The following TGFBR3 variants were observed in gnomAD, a reference collection of about 807,000 sequenced individuals.
TGFBR3 encodes transforming growth factor beta receptor 3.
A neutral mutation model predicts 87.9 loss-of-function variants in TGFBR3; 46 were observed. That is an observed-to-expected ratio of 0.52 (90% CI 0.41 to 0.67). The LOEUF (loss-of-function observed/expected upper bound fraction) is 0.67, where lower values mean the gene tolerates loss of function less well. Among genes scored for constraint, TGFBR3 ranks in the 30% least tolerant of loss-of-function variants. TGFBR3 has a pLI of 0.00. For missense variants in TGFBR3, 866 were observed against 1,041.9 expected, an observed-to-expected ratio of 0.83 and a Z score of 2.32; for synonymous variants, 381 against 391.6, an observed-to-expected ratio of 0.97 and a Z score of 0.32.
intron 2 of TGFBR3, among the ~76,000 whole-genome samples, chr1:91,855,296 G>T (rs2634028): frequency 0.13 from 19,054 of 152,188 alleles, 1,535 homozygotes; most frequent in East Asian, 0.4. Flanking sequence ...ATTCCACCAA[G>T]AGCCCACTGG....
chr1:91,725,070 T>C (rs1672502850), intron 7 of TGFBR3, among the ~76,000 whole-genome samples: 1 of 152,180 alleles, frequency 6.6e-6, no homozygotes, highest in African/African-American at 2.4e-5. Flanking sequence ...CTTCCTACCA[T>C]AAAAGTGATT....
intron 2 of TGFBR3, among the ~76,000 whole-genome samples, chr1:91,843,376 G>A (rs1677361709): frequency 6.6e-6 from 1 of 152,156 alleles, no homozygotes; most frequent in Non-Finnish European, 1.5e-5. Flanking sequence ...TCATCAGTCT[G>A]CAATTTGGAA....
intron 3 of TGFBR3, among the ~76,000 whole-genome samples, chr1:91,787,940 G>A (rs528896443): frequency 1.1e-3 from 143 of 129,486 alleles, no homozygotes; most frequent in Non-Finnish European, 1.7e-3. Context: ...CCTGTCTCAC[G>A]GGGAAAAAAA....
upstream of TGFBR3, among the ~76,000 whole-genome samples, chr1:91,889,072 G>A (rs181512923): frequency 2.6e-5 from 4 of 152,076 alleles, no homozygotes; most frequent in African/African-American, 4.8e-5. Flanking sequence ...TAGTAGAGAC[G>A]GGGTTTCATA....
chr1:91,847,377 G>A (rs1300361519), intron 2 of TGFBR3, among the ~76,000 whole-genome samples: 1 of 152,090 alleles, frequency 6.6e-6, no homozygotes, highest in African/African-American at 2.4e-5. Flanking sequence ...GATGAGGCAG[G>A]CAGATCACCT....
chr1:91,750,120 C>A (rs543517651), intron 4 of TGFBR3, among the ~76,000 whole-genome samples: 2 of 152,318 alleles, frequency 1.3e-5, no homozygotes, highest in East Asian at 3.9e-4. Context: ...CATGCCTGCA[C>A]ACAGACATGA....
rs1674837039 is a variant in TGFBR3 at position 91,783,163 on chromosome 1, C to T, written c.246+14124G>A. On this transcript the variant is annotated intron_variant, in intron 3 of 16. Coordinates refer to ENST00000212355, the MANE Select transcript of TGFBR3 (RefSeq NM_003243.5). The stretch of plus-strand genomic sequence containing the variant: ...TTCACAGTGAGAATCAGTAACACCT[C>T]ATCTCATTAGCTCTCTTATCTTCAA... The T allele has an allele frequency of 3.3e-5, 5 of 152,294 alleles. No individual in the cohort carries two copies. The South Asian group carries it at 8.3e-4, about 25-fold the overall frequency. The allele number at this position is 152,294 out of a possible 1,614,324, so 9.4% of individuals were successfully genotyped here.
intron 7 of TGFBR3, among the ~76,000 whole-genome samples, chr1:91,722,870 T>C (rs1458263205): frequency 6.6e-6 from 1 of 152,182 alleles, no homozygotes. Context: ...ACAGTAAAAA[T>C]ATGGTATTAC....
At chr1:91,767,797 A>G (rs1167443412) in intron 3 of TGFBR3, among the ~76,000 whole-genome samples, 1 of 152,064 alleles carries the variant, frequency 6.6e-6, no homozygotes, top group Non-Finnish European at 1.5e-5. Context: ...TGGAAACTAT[A>G]TACAAACTCA....
chr1:91,792,807 C>G (rs1294019031), intron 3 of TGFBR3, among the ~76,000 whole-genome samples: 2 of 152,210 alleles, frequency 1.3e-5, no homozygotes, highest in Non-Finnish European at 2.9e-5. Context: ...AACCATGACA[C>G]TGGTCCTCAC....
chr1:91,825,833 T>G (rs1249345849), intron 2 of TGFBR3, among the ~76,000 whole-genome samples: 1 of 152,000 alleles, frequency 6.6e-6, no homozygotes, highest in Non-Finnish European at 1.5e-5. Flanking sequence ...ATACAAAAAT[T>G]AGCCAGGCGT....
chr1:91,904,169 G>A (rs1194910257), intron 1 of TGFBR3, among the ~76,000 whole-genome samples: 3 of 152,142 alleles, frequency 2.0e-5, no homozygotes, highest in Middle Eastern at 3.4e-3. Flanking sequence ...GGGCAACAGA[G>A]CAACACTGTC....
intron 5 of TGFBR3, among the ~76,000 whole-genome samples, chr1:91,731,965 A>G (rs956446763): frequency 9.9e-5 from 15 of 152,150 alleles, no homozygotes; most frequent in Admixed American, 6.5e-4. Flanking sequence ...CCGCTCCCCA[A>G]TGACTTTCCG....
chr1:91,785,330 C>T (rs1674917313), intron 3 of TGFBR3, among the ~76,000 whole-genome samples: 2 of 152,184 alleles, frequency 1.3e-5, no homozygotes, highest in Non-Finnish European at 2.9e-5. Flanking sequence ...TCGTGGGGGG[C>T]ACACACAGGG....
At chr1:91,883,214 C>G (rs1025217395) in intron 1 of TGFBR3, among the ~76,000 whole-genome samples, 6 of 152,250 alleles carry the variant, frequency 3.9e-5, no homozygotes, top group South Asian at 2.1e-4. Flanking sequence ...CTATGTTACC[C>G]AGGCTGGTCT....
At chr1:91,787,657 A>G (rs754428908) in intron 3 of TGFBR3, among the ~76,000 whole-genome samples, 12 of 152,176 alleles carry the variant, frequency 7.9e-5, no homozygotes, top group Non-Finnish European at 1.2e-4. Flanking sequence ...AGGAAAACAG[A>G]AAGCCAAGGG....
rs1358990195 is a variant in TGFBR3 at position 91,684,863 on chromosome 1, T to G, written c.2438-1006A>C. Among the ~76,000 whole-genome samples the G allele has an allele frequency of 3.3e-5, 5 of 152,266 alleles. No individual in the cohort carries two copies. In the South Asian group the frequency reaches 1.0e-3, roughly 32 times the overall value. ...CTTCTTGTAAGCAGCATCCCCTCCT[T>G]CAATGTGGGAAACCCCAGAGGGCCA... On this transcript the variant is annotated intron_variant, in intron 16 of 16. Transcript: ENST00000212355.
Position 91,734,924 on chromosome 1 carries a change from T to C in TGFBR3, c.420A>G (p.Ala140=), listed in dbSNP as rs150238777. 14 of 1,614,080 alleles carry C rather than the reference T, an allele frequency of 8.7e-6. No homozygotes were observed. In the African/African-American group the frequency reaches 1.7e-4, roughly 20 times the overall value. The change falls in exon 5 of 17, where the codon GCA becomes GCG. Residue 140 remains alanine (A), a synonymous_variant. Transcript: ENST00000212355. ...CTGTTTCTGCTGTCAAGGAGAAGTT[T>C]GCTGATGAAAACTGGACCACAGAAC... The part of the protein sequence containing the change: ...SEGSVVQFSS[A]NFSLTAETEE...
intron 2 of TGFBR3, among the ~76,000 whole-genome samples, chr1:91,819,134 C>G (rs1300187426): frequency 6.6e-6 from 1 of 152,094 alleles, no homozygotes; most frequent in Non-Finnish European, 1.5e-5. Context: ...CTTTGGGAGG[C>G]CGAGGCAGGT....
Sources: allele counts gnomAD v4.1 joint callset (sites outside exome capture counted in the v4.1 genomes callset), GRCh38; gene constraint gnomAD v4.1.1; transcripts MANE v1.5; gene names NCBI Gene and HGNC (gene_info 2026-07-23, HGNC 2026-07-21).